RAB4B: variants seen among roughly 807,000 people sequenced by gnomAD.
RAB4B encodes the protein ras-related protein Rab-4B.
Under a neutral mutation model 28.3 loss-of-function variants are expected in RAB4B, and 15 were observed. That is an observed-to-expected ratio of 0.53 (90% CI 0.35 to 0.82). The LOEUF is 0.82. Among genes scored for constraint, RAB4B ranks in the 40% least tolerant of loss-of-function variants. The pLI is 0.01. For missense variants in RAB4B, 244 were observed against 288.5 expected, an observed-to-expected ratio of 0.85 and a Z score of 1.12; for synonymous variants, 108 against 116.3, an observed-to-expected ratio of 0.93 and a Z score of 0.46.
intron 1 of RAB4B, chr19:40,778,988 G>A: frequency 1.0e-6 from 1 of 985,732 alleles, no homozygotes; most frequent in Non-Finnish European, 1.2e-6. Context: ...GCAGGTTTAG[G>A]AGTCAGAGGG....
At chr19:40,782,670 G>A (rs1284696446) in intron 3 of RAB4B, among the ~76,000 whole-genome samples, 5 of 151,288 alleles carry the variant, frequency 3.3e-5, no homozygotes, top group Admixed American at 6.6e-5. Context: ...AAAATTAGCC[G>A]GGCGTGGTGG....
Position 40,778,285 on chromosome 19 carries a change from C to G in RAB4B, c.-91C>G. On this transcript the variant is annotated 5_prime_UTR_variant, in exon 1 of 8. Transcript: ENST00000357052. ...CCGGGCCCGGGGAGTAGGAAGGAGCCGGGGCTGTAGCCGGAGTGGAGCGGC... is the reference window on the plus strand; with the variant it reads ...CCGGGCCCGGGGAGTAGGAAGGAGCGGGGGCTGTAGCCGGAGTGGAGCGGC... 7.6e-7 allele frequency: 1 copy of G among 1,311,188 alleles called. No homozygotes were observed. Among genetic ancestry groups the G allele is most frequent in the Non-Finnish European group, 1.0e-6 (1 of 975,064 alleles). The allele number at this position is 1,311,188 out of a possible 1,614,324, so 81.2% of individuals were successfully genotyped here.
rs192478466 is a variant in RAB4B at position 40,779,938 on chromosome 19, G to C, written c.17-81G>C. The stretch of plus-strand genomic sequence containing the variant: ...CCTCTAACTGTGATGGTTAGAGAGA[G>C]AGATTGGATTGGAATCCATCTTTTT... On this transcript the variant is annotated intron_variant, in intron 1 of 7. Transcript: ENST00000357052. 101 of 1,608,804 alleles carry C rather than the reference G, an allele frequency of 6.3e-5. No homozygotes were observed. In the African/African-American group the frequency reaches 7.3e-4, roughly 12 times the overall value.
At chr19:40,778,932 C>T (rs1283033531) in intron 1 of RAB4B, 2 of 985,626 alleles carry the variant, frequency 2.0e-6, no homozygotes, top group Non-Finnish European at 2.4e-6. Context: ...AGTGGAAAAT[C>T]AGTAGGGATG....
chr19:40,779,980 TCC>T, intron 1 of RAB4B, 37 bp from the exon 2 acceptor site: 1 of 1,609,934 alleles, frequency 6.2e-7, no homozygotes, highest in Non-Finnish European at 8.5e-7. Flanking sequence ...TATCTTTCTC[TCC>T]CTGTGGGTAT....
intron 7 of RAB4B, among the ~76,000 whole-genome samples, chr19:40,788,754 T>A (rs1426386912): frequency 6.7e-6 from 1 of 149,814 alleles, no homozygotes; most frequent in African/African-American, 2.4e-5. Context: ...GCCTGGCTAA[T>A]TTTTTTTAAT....
intron 2 of RAB4B, 61 bp from the exon 3 acceptor site, chr19:40,780,324 G>C: frequency 6.7e-7 from 1 of 1,490,342 alleles, no homozygotes; most frequent in Non-Finnish European, 9.1e-7. Context: ...TGGAGGATGG[G>C]GGATCCTCTG....
chr19:40,789,029 C>A (rs1162544835), intron 7 of RAB4B, among the ~76,000 whole-genome samples: 1 of 151,740 alleles, frequency 6.6e-6, no homozygotes, highest in Non-Finnish European at 1.5e-5. Context: ...ATCTGCCCGC[C>A]TCGGCCTCTC....
intron 3 of RAB4B, among the ~76,000 whole-genome samples, chr19:40,781,288 GAATAAATAAATAAATAAATAAATGAATA>G (rs2083045022): frequency 6.8e-6 from 1 of 147,544 alleles, no homozygotes; most frequent in Non-Finnish European, 1.5e-5. Context: ...CTCTGTCTCT[GAATAAATAAATAAATAAATAAATGAATA>G]AATAAATAAA....
chr19:40,779,124 A>G (rs1246853895), intron 1 of RAB4B: 21 of 645,448 alleles, frequency 3.3e-5, no homozygotes, highest in Non-Finnish European at 3.8e-5. Flanking sequence ...TGAATGAGTC[A>G]GAGGGTGGTA....
At chr19:40,796,061 AC>A (rs1420771979) in intron 7 of RAB4B, among the ~76,000 whole-genome samples, 1 of 151,770 alleles carries the variant, frequency 6.6e-6, no homozygotes, top group East Asian at 1.9e-4. Context: ...GTGCAGTGGC[AC>A]AATCTTGGCT....
intron 3 of RAB4B, 130 bp downstream of exon 3, chr19:40,780,629 G>C (rs2083037728): frequency 1.4e-6 from 1 of 713,536 alleles, no homozygotes; most frequent in African/African-American, 1.8e-5. Context: ...AGACACCGTA[G>C]TTAGCAGGTA....
At chr19:40,783,719 G>C in intron 3 of RAB4B, 59 bp from the exon 4 acceptor site, 2 of 1,482,376 alleles carry the variant, frequency 1.3e-6, no homozygotes, top group South Asian at 1.4e-5. Context: ...TCTGTAGAGG[G>C]GGGCATTCTC....
chr19:40,787,961 C>CAAAAAA (rs56997006), intron 7 of RAB4B, among the ~76,000 whole-genome samples: 1 of 69,464 alleles, frequency 1.4e-5, no homozygotes, highest in Non-Finnish European at 2.7e-5. Context: ...GACTCTGTCT[C>CAAAAAA]AAAAAAAAAA....
At chr19:40,788,181 G>A (rs1313640058) in intron 7 of RAB4B, among the ~76,000 whole-genome samples, 2 of 151,878 alleles carry the variant, frequency 1.3e-5, no homozygotes, top group Non-Finnish European at 2.9e-5. Flanking sequence ...CATTCTCTTT[G>A]GGGGAGACAG....
chr19:40,785,093 G>A (rs921754724), intron 5 of RAB4B, among the ~76,000 whole-genome samples: 1 of 151,938 alleles, frequency 6.6e-6, no homozygotes. Flanking sequence ...GATTACAGGC[G>A]TGAGACACTG....
intron 7 of RAB4B, among the ~76,000 whole-genome samples, chr19:40,791,046 G>A (rs988066399): frequency 2.0e-5 from 3 of 151,844 alleles, no homozygotes; most frequent in African/African-American, 7.3e-5. Flanking sequence ...TAGTAGAGAT[G>A]GGGTTTCACC....
intron 7 of RAB4B, among the ~76,000 whole-genome samples, chr19:40,791,077 G>C (rs979839280): frequency 2.0e-5 from 3 of 151,916 alleles, no homozygotes; most frequent in Admixed American, 6.6e-5. Flanking sequence ...GGATGGTCTC[G>C]ATCTCCTGAC....
chr19:40,791,912 C>T (rs1210419557), intron 7 of RAB4B, among the ~76,000 whole-genome samples: 1 of 152,208 alleles, frequency 6.6e-6, no homozygotes, highest in Non-Finnish European at 1.5e-5. Context: ...GAATTATAGG[C>T]ATGAGCCACT....
Sources: allele counts gnomAD v4.1 joint callset (sites outside exome capture counted in the v4.1 genomes callset), GRCh38; gene constraint gnomAD v4.1.1; transcripts MANE v1.5; gene names NCBI Gene and HGNC (gene_info 2026-07-23, HGNC 2026-07-21).